The following RFX7 variants were observed in gnomAD, a reference collection of about 807,000 sequenced individuals.
RFX7 encodes DNA-binding protein RFX7.
In RFX7, 26 loss-of-function variants were observed where a neutral mutation model predicts 111.8. That is an observed-to-expected ratio of 0.23 (90% CI 0.17 to 0.32). The LOEUF is 0.32. Ranked by LOEUF, RFX7 falls within the 10% of genes least tolerant of loss-of-function variation. The pLI, the probability that RFX7 is intolerant of heterozygous loss-of-function variation, is 1.00. For synonymous variants in RFX7, 624 were observed against 624.4 expected (o/e 1.00, Z 0.01); for missense variants, 1,573 against 1,772.9 (o/e 0.89, Z 2.02).
intron 2 of RFX7, among the ~76,000 whole-genome samples, chr15:56,190,688 C>G (rs372357806): frequency 2.4e-4 from 36 of 151,798 alleles, no homozygotes; most frequent in Middle Eastern, 3.4e-3. Flanking sequence ...CACTACAGAC[C>G]TACTGAATCA....
chr15:56,206,539 G>C (rs1403022265), intron 2 of RFX7, among the ~76,000 whole-genome samples: 1 of 152,120 alleles, frequency 6.6e-6, no homozygotes, highest in Non-Finnish European at 1.5e-5. Flanking sequence ...ATGTCAAAGA[G>C]ATATCTGCAC....
At chr15:56,166,885 A>G (rs766586770) in intron 3 of RFX7, among the ~76,000 whole-genome samples, 1 of 152,132 alleles carries the variant, frequency 6.6e-6, no homozygotes, top group Non-Finnish European at 1.5e-5. Flanking sequence ...AGCTGGGGCG[A>G]CAGCTACCAT....
At chr15:56,202,143 G>C (rs79412171) in intron 2 of RFX7, among the ~76,000 whole-genome samples, 25 of 152,182 alleles carry the variant, frequency 1.6e-4, no homozygotes, top group Admixed American at 1.4e-3. Flanking sequence ...TAGATAATCA[G>C]GCTTAGTCTC....
At position 56,102,315 on chromosome 15, in the gene RFX7, TTAAAAG is replaced by T. The variant is rs1327621473; in HGVS notation, c.519-68_519-63del. 7.4e-6 allele frequency: 7 copies of T among 944,794 alleles called. No individual in the cohort carries two copies. The Admixed American group carries it at 7.9e-5, about 11-fold the overall frequency. 58.5% of individuals were successfully genotyped at this position (944,794 alleles called of 1,614,324 possible). ...ATGAATTGCTTATACAGACAGCACT[TTAAAAG>T]TAACCATATATGAAATGAGAAAAAA... On this transcript the variant is annotated intron_variant, in intron 6 of 9. Coordinates refer to ENST00000559447, the MANE Select transcript of RFX7 (RefSeq NM_022841.7).
intron 3 of RFX7, among the ~76,000 whole-genome samples, chr15:56,159,216 A>G (rs1003015938): frequency 6.6e-6 from 1 of 152,190 alleles, no homozygotes; most frequent in South Asian, 2.1e-4. Context: ...GTGTATGTAT[A>G]ATTACATTTT....
intron 3 of RFX7, among the ~76,000 whole-genome samples, chr15:56,171,859 C>T (rs2141110956): frequency 6.6e-6 from 1 of 152,142 alleles, no homozygotes; most frequent in South Asian, 2.1e-4. Context: ...ATTATATGGG[C>T]CTAGAGCTTA....
Position 56,097,946 on chromosome 15 carries a change from G to T in RFX7, c.1107+135C>A. 4 of 678,440 alleles carry T rather than the reference G, an allele frequency of 5.9e-6. No individual in the cohort carries two copies. The East Asian group carries it at 1.1e-4, about 18-fold the overall frequency. 42.0% of individuals were successfully genotyped at this position (678,440 alleles called of 1,614,324 possible). On this transcript the variant is annotated intron_variant, in intron 9 of 9. Transcript: ENST00000559447. The stretch of plus-strand genomic sequence containing the variant: ...TACATCCTGAATAAAAGACTGAAGG[G>T]GAATGAATCTTCCTGTGGTCACAAA...
At position 56,093,769 on chromosome 15, in the gene RFX7, C is replaced by G; in HGVS notation, c.3959G>C (p.Ser1320Thr). 4 of 1,613,838 alleles carry G rather than the reference C, an allele frequency of 2.5e-6. No individual in the cohort carries two copies. Among genetic ancestry groups the G allele is most frequent in the Admixed American group, 1.7e-5 (1 of 60,000 alleles). ...EFQTPSYLTKSNSTGQINFSP... is the reference protein window; with the variant it reads ...EFQTPSYLTKTNSTGQINFSP... The stretch of plus-strand genomic sequence containing the variant: ...AAAATTGATCTGACCGGTGCTATTA[C>G]TTTTGGTGAGGTAAGATGGTGTTTG... The change falls in exon 10 of 10, where the codon AGT becomes ACT. Residue 1320 changes from serine (S) to threonine (T), a missense_variant. By Grantham distance (58) the Ser-to-Thr change is moderately conservative (BLOSUM62 1). This residue lies in a region of RFX7 where 411 missense variants were observed against 478.1 expected (regional missense o/e 0.86). Transcript: ENST00000559447.
intron 2 of RFX7, 55 bp downstream of exon 2, chr15:56,243,070 T>G: frequency 1.2e-5 from 10 of 835,894 alleles, no homozygotes; most frequent in Non-Finnish European, 1.8e-5. Context: ...CCCACCCACT[T>G]TGCAGCAGAA....
intron 2 of RFX7, among the ~76,000 whole-genome samples, chr15:56,235,307 C>T (rs1031383189): frequency 2.6e-5 from 4 of 152,024 alleles, no homozygotes; most frequent in Non-Finnish European, 5.9e-5. Context: ...TCCTGAGTAG[C>T]TGGGGCTACA....
chr15:56,173,116 G>A (rs149378036), intron 3 of RFX7, among the ~76,000 whole-genome samples: 8 of 152,298 alleles, frequency 5.3e-5, no homozygotes, highest in East Asian at 1.9e-4. Flanking sequence ...GTTAGTGTTC[G>A]AGGTGGCAAA....
At chr15:56,123,495 G>T (rs1380604043) in intron 5 of RFX7, among the ~76,000 whole-genome samples, 1 of 152,142 alleles carries the variant, frequency 6.6e-6, no homozygotes, top group Non-Finnish European at 1.5e-5. Context: ...GGAAGGAAGG[G>T]GTTCTTTCAG....
At chr15:56,148,205 T>A (rs2042511845) in intron 3 of RFX7, among the ~76,000 whole-genome samples, 1 of 152,196 alleles carries the variant, frequency 6.6e-6, no homozygotes, top group Non-Finnish European at 1.5e-5. Flanking sequence ...GATTTATATG[T>A]CAAACACATT....
chr15:56,146,561 T>A (rs1267085697), intron 3 of RFX7, among the ~76,000 whole-genome samples: 6 of 152,122 alleles, frequency 3.9e-5, no homozygotes, highest in African/African-American at 1.4e-4. Flanking sequence ...AAACCTTGGA[T>A]TCTATATAGC....
At position 56,095,298 on chromosome 15, in the gene RFX7, G is replaced by A. The variant is rs2041657835; in HGVS notation, c.2430C>T (p.His810=). The change falls in exon 10 of 10, where the codon CAC becomes CAT. Residue 810 remains histidine, a synonymous_variant. Coordinates refer to ENST00000559447, the MANE Select transcript of RFX7 (RefSeq NM_022841.7). ...QDISVMTIPE[H]SDINDLEKSV... is the part of the protein sequence containing the mutation. ...ATTTCTCTAAGTCATTGATATCAGA[G>A]TGCTCAGGAATTGTCATAACACTGA... 6.2e-7 allele frequency: 1 copy of A among 1,613,816 alleles called. No individual in the cohort carries two copies. The highest frequency in any genetic ancestry group is 1.7e-5 in the Admixed American group (1 of 59,996).
chr15:56,183,582 CCCT>C (rs1238259594), intron 2 of RFX7, among the ~76,000 whole-genome samples: 4 of 152,210 alleles, frequency 2.6e-5, no homozygotes, highest in Non-Finnish European at 5.9e-5. Flanking sequence ...ACTCACCTAT[CCCT>C]AAGTTAACAC....
rs2043757792 is a variant in RFX7 at position 56,243,799 on chromosome 15, G to C, written c.-357C>G. Among the ~76,000 whole-genome samples the C allele has an allele frequency of 6.8e-6, 1 of 147,702 alleles. No individual in the cohort carries two copies. The highest frequency in any genetic ancestry group is 1.5e-5 in the Non-Finnish European group (1 of 66,282). On this transcript the variant is annotated 5_prime_UTR_variant, in exon 1 of 10. Transcript: ENST00000559447. The stretch of plus-strand genomic sequence containing the variant: ...CGCCACTCCCCACGCCGCCGCCGCC[G>C]CCGCCGCTCGCTCCCGGCCCCGCCG...
intron 2 of RFX7, among the ~76,000 whole-genome samples, chr15:56,216,679 T>C (rs2043365790): frequency 6.6e-6 from 1 of 152,228 alleles, no homozygotes; most frequent in African/African-American, 2.4e-5. Flanking sequence ...CTTAACTCAT[T>C]AATTTTCAAC....
chr15:56,173,276 G>A (rs765409775), intron 3 of RFX7, among the ~76,000 whole-genome samples: 4 of 152,178 alleles, frequency 2.6e-5, no homozygotes, highest in Non-Finnish European at 5.9e-5. Context: ...GGATCTACAA[G>A]TGGCTGACAC....
Sources: allele counts gnomAD v4.1 joint callset (sites outside exome capture counted in the v4.1 genomes callset), GRCh38; gene constraint gnomAD v4.1.1; regional missense constraint gnomAD v4.1.1; transcripts MANE v1.5; gene names NCBI Gene and HGNC (gene_info 2026-07-23, HGNC 2026-07-21).